Variants in PRDM7 observed in about 807,000 individuals in gnomAD.
The protein encoded by PRDM7 is PR/SET domain 7.
PRDM7 carries 52 observed loss-of-function variants against 64.3 expected under a neutral mutation model. The observed-to-expected ratio is 0.81, with a 90% CI of 0.65 to 1.02. PRDM7 has a LOEUF of 1.02. Ranked by LOEUF, PRDM7 falls within the 50% of genes least tolerant of loss-of-function variation. PRDM7 has a pLI of 0.00. For synonymous variants in PRDM7, 192 were observed against 210.1 expected (o/e 0.91, Z 0.74); for missense variants, 574 against 597.1 (o/e 0.96, Z 0.40).
At chr16:90,061,867 G>A in intron 8 of PRDM7, 54 bp downstream of exon 8, 1 of 1,610,080 alleles carries the variant, frequency 6.2e-7, no homozygotes, top group Non-Finnish European at 8.5e-7. Flanking sequence ...TCCCATCAAA[G>A]GCACAGAAGG....
chr16:90,068,888 C>G (rs1434586443), intron 4 of PRDM7, among the ~76,000 whole-genome samples: 1 of 151,158 alleles, frequency 6.6e-6, no homozygotes, highest in Non-Finnish European at 1.5e-5. Context: ...GGAAGACATC[C>G]TGTGTTCGTG....
intron 4 of PRDM7, among the ~76,000 whole-genome samples, chr16:90,071,418 TG>T (rs2037953925): frequency 6.6e-6 from 1 of 152,208 alleles, no homozygotes; most frequent in South Asian, 2.1e-4. Context: ...CGTGAGCCAC[TG>T]TGCCTGGCCC....
rs1487674021 is a variant in PRDM7 at position 90,062,421 on chromosome 16, G to A, written c.590C>T (p.Pro197Leu). 7 of 1,614,044 alleles carry A rather than the reference G, an allele frequency of 4.3e-6. No homozygotes were observed. The East Asian group carries it at 1.3e-4, about 31-fold the overall frequency. The stretch of plus-strand genomic sequence containing the variant: ...CTCACAGAGGTAGTCATCATCCTGT[G>A]GCTCGCTGATCTCTTTGTATGCATG... Reference protein sequence around the residue: ...KGHAYKEISEPQDDDYLYCEM... With the variant: ...KGHAYKEISELQDDDYLYCEM... Residue 197 changes from proline to leucine, a missense_variant, in exon 7 of 11, where the codon CCA (proline) becomes CTA (leucine). By Grantham distance (98) the Pro-to-Leu change is moderately conservative. Transcript: ENST00000449207.
At chr16:90,076,059 G>C (rs2038032474) in intron 1 of PRDM7, 64 bp from the exon 2 acceptor site, 2 of 890,224 alleles carry the variant, frequency 2.2e-6, no homozygotes, top group South Asian at 3.1e-5. Flanking sequence ...ACAAGGCTCT[G>C]TCTTCTCCAT....
At chr16:90,074,793 CG>C (rs1457715123) in intron 4 of PRDM7, 122 bp downstream of exon 4, 3 of 900,268 alleles carry the variant, frequency 3.3e-6, no homozygotes, top group Non-Finnish European at 5.2e-6. Context: ...GCAGGAGAAT[CG>C]CTTGAACCTG....
chr16:90,074,283 G>GTCATCATCATCA (rs59691191), intron 4 of PRDM7, among the ~76,000 whole-genome samples: 47 of 147,858 alleles, frequency 3.2e-4, no homozygotes, highest in Middle Eastern at 3.3e-3. Context: ...AATCATCATC[G>GTCATCATCATCA]TCATCATCAT....
chr16:90,069,533 T>G (rs1489725423), intron 4 of PRDM7, among the ~76,000 whole-genome samples: 2 of 151,328 alleles, frequency 1.3e-5, no homozygotes, highest in Non-Finnish European at 2.9e-5. Flanking sequence ...TAAAAACTTC[T>G]GTGTAGCAAA....
At chr16:90,076,180 G>GCC (rs2038033994) in intron 1 of PRDM7, among the ~76,000 whole-genome samples, 185 bp from the exon 2 acceptor site, 1 of 152,222 alleles carries the variant, frequency 6.6e-6, no homozygotes, top group Non-Finnish European at 1.5e-5. Flanking sequence ...GCCATGAGCT[G>GCC]CCACCTAATG....
In PRDM7 at chr16:90,059,803, G is replaced by A. The variant is rs111434901; in HGVS notation, c.1233+538C>T. 3.3e-3 allele frequency among the ~76,000 whole-genome samples: 502 copies of A among 152,316 alleles called. 2 individuals carry two copies. The highest frequency in any genetic ancestry group is 0.011 in the African/African-American group (449 of 41,568). On this transcript the variant is annotated intron_variant, in intron 10 of 10. Transcript: ENST00000449207. ...CATTTTCTTCAAAGCACTAATCGCC[G>A]TCTGATATTACACATATGTCTGTGT...
At chr16:90,072,385 A>G (rs1220023153) in intron 4 of PRDM7, among the ~76,000 whole-genome samples, 8 of 152,380 alleles carry the variant, frequency 5.3e-5, no homozygotes, top group Admixed American at 2.6e-4. Context: ...ATGCAGTAGA[A>G]TATTATTCAG....
At chr16:90,065,774 A>G (rs2037864819) in intron 5 of PRDM7, among the ~76,000 whole-genome samples, 1 of 151,338 alleles carries the variant, frequency 6.6e-6, no homozygotes, top group Non-Finnish European at 1.5e-5. Flanking sequence ...ACAAACGAAA[A>G]TTATCTCATA....
At position 90,058,345 on chromosome 16, in the gene PRDM7, C is replaced by T. The variant is rs199812236; in HGVS notation, c.1423G>A (p.Ala475Thr). 836 of 1,614,166 alleles carry T rather than the reference C, an allele frequency of 5.2e-4. 4 individuals carry two copies. In the African/African-American group the frequency reaches 6.0e-3, roughly 12 times the overall value. The change falls in exon 11 of 11, where the codon GCT (alanine) becomes ACT (threonine). Residue 475 changes from alanine (A) to threonine (T), a missense_variant. Coordinates refer to ENST00000449207, the MANE Select transcript of PRDM7 (RefSeq NM_001098173.2). ...ACCTTTGGTTTTGTCATTACAGCAGCGTGGATCAGAATATTGCCGCTCCTG... is the reference window on the plus strand; with the variant it reads ...ACCTTTGGTTTTGTCATTACAGCAGTGTGGATCAGAATATTGCCGCTCCTG... ...RIRSGNILIH[A>T]AVMTKPKVKR...
At chr16:90,072,943 C>T (rs1012187255) in intron 4 of PRDM7, among the ~76,000 whole-genome samples, 3 of 152,154 alleles carry the variant, frequency 2.0e-5, no homozygotes, top group Non-Finnish European at 2.9e-5. Context: ...ATGGGGAAAT[C>T]GTAGACCCAA....
At chr16:90,068,469 A>C (rs2151310629) in intron 4 of PRDM7, among the ~76,000 whole-genome samples, 1 of 150,204 alleles carries the variant, frequency 6.7e-6, no homozygotes, top group South Asian at 2.1e-4. Context: ...CCCCATCTCT[A>C]CTAAAAATAC....
intron 4 of PRDM7, 147 bp from the exon 5 acceptor site, chr16:90,067,057 C>T (rs1349493260): frequency 3.0e-5 from 20 of 666,374 alleles, no homozygotes; most frequent in East Asian, 2.6e-4. Flanking sequence ...CTCCGCCTCC[C>T]GGATTCAAGC....
At position 90,058,437 on chromosome 16, in the gene PRDM7, C is replaced by T. The variant is rs1378458929; in HGVS notation, c.1331G>A (p.Arg444Lys). 6.2e-7 allele frequency: 1 copy of T among 1,614,006 alleles called. No homozygotes were observed. The highest frequency in any genetic ancestry group is 8.5e-7 in the Non-Finnish European group (1 of 1,180,038). ...VNMWNAITPL[R>K]TSQDHLQENF... ...TTCTTGCAGATGGTCCTGGGAAGTT[C>T]TGAGAGGAGTGATTGCGTTCCACAT... is the stretch of plus-strand genomic sequence containing the variant. Residue 444 changes from arginine (R) to lysine (K), a missense_variant, in exon 11 of 11, where the codon AGA becomes AAA. Physicochemically the swap from Arg to Lys is conservative, Grantham distance 26. Coordinates refer to ENST00000449207, the MANE Select transcript of PRDM7 (RefSeq NM_001098173.2).
chr16:90,067,451 A>G (rs569147086), intron 4 of PRDM7, among the ~76,000 whole-genome samples: 7 of 151,242 alleles, frequency 4.6e-5, no homozygotes, highest in Non-Finnish European at 1.0e-4. Flanking sequence ...GTTTCAGCCT[A>G]TCTGTAAAGG....
chr16:90,064,850 T>A (rs1335311649), intron 5 of PRDM7, among the ~76,000 whole-genome samples: 1 of 150,416 alleles, frequency 6.6e-6, no homozygotes, highest in African/African-American at 2.5e-5. Flanking sequence ...TCCCGAGTAG[T>A]TGGGATTACA....
chr16:90,061,502 G>A lies in PRDM7; in HGVS notation c.900C>T (p.Asn300=). The A allele has an allele frequency of 6.2e-7, 1 of 1,605,466 alleles. No individual in the cohort carries two copies. The highest frequency in any genetic ancestry group is 1.1e-5 in the South Asian group (1 of 90,908). The part of the protein sequence containing the change: ...GYSWLITKGR[N]CYEYVDGKDK... ...CTTTTCCATCCACATACTCATAGCA[G>A]TTTCTCCCCTTGGTGATCTGAGTTT... The change falls in exon 9 of 11, where the codon AAC becomes AAT. Residue 300 remains asparagine, a synonymous_variant. Transcript: ENST00000449207.
Sources: allele counts gnomAD v4.1 joint callset (sites outside exome capture counted in the v4.1 genomes callset), GRCh38; gene constraint gnomAD v4.1.1; transcripts MANE v1.5; gene names NCBI Gene and HGNC (gene_info 2026-07-23, HGNC 2026-07-21).